Variants in MEGF9 observed in about 807,000 individuals in gnomAD.
MEGF9 encodes the protein multiple epidermal growth factor-like domains protein 9.
MEGF9 carries 6 observed loss-of-function variants against 46.8 expected under a neutral mutation model. The ratio of observed to expected loss-of-function variants is 0.13; its 90% CI spans 0.07 to 0.25. The LOEUF (loss-of-function observed/expected upper bound fraction) is 0.25, where lower values mean the gene tolerates loss of function less well. Among genes scored for constraint, MEGF9 ranks in the 10% least tolerant of loss-of-function variants. MEGF9 has a pLI of 1.00. For synonymous variants in MEGF9, 302 were observed against 330.7 expected (o/e 0.91, Z 0.94); for missense variants, 683 against 792.4 (o/e 0.86, Z 1.66).
chr9:120,700,908 C>T lies in MEGF9; in HGVS notation c.601+12850G>A, dbSNP rs1328562055. 2.6e-5 allele frequency among the ~76,000 whole-genome samples: 4 copies of T among 151,408 alleles called. No individual in the cohort carries two copies. The East Asian group carries it at 5.8e-4, about 22-fold the overall frequency. ...CCAGCCTGGACAACGTGGTGAAACCCTGTCTCTACCAAAAATAATAATAAT... is the reference window on the plus strand; with the variant it reads ...CCAGCCTGGACAACGTGGTGAAACCTTGTCTCTACCAAAAATAATAATAAT... On this transcript the variant is annotated intron_variant, in intron 1 of 5. Coordinates refer to ENST00000373930, the MANE Select transcript of MEGF9 (RefSeq NM_001080497.3).
intron 1 of MEGF9, among the ~76,000 whole-genome samples, chr9:120,684,831 T>C (rs1434475769): frequency 2.0e-5 from 3 of 151,624 alleles, no homozygotes; most frequent in Non-Finnish European, 4.4e-5. Flanking sequence ...GAGGCTTCAT[T>C]TTTTTTTCTT....
At chr9:120,672,964 G>A (rs192462146) in intron 1 of MEGF9, among the ~76,000 whole-genome samples, 18 of 152,140 alleles carry the variant, frequency 1.2e-4, no homozygotes, top group East Asian at 1.9e-4. Flanking sequence ...CAGAGGTTGC[G>A]GTGAACCGAG....
intron 3 of MEGF9, among the ~76,000 whole-genome samples, chr9:120,618,002 G>A (rs1044912496): frequency 6.6e-6 from 1 of 152,138 alleles, no homozygotes; most frequent in Admixed American, 6.5e-5. Context: ...GATGTGTTAG[G>A]TATATAATGC....
Position 120,605,949 on chromosome 9 carries a change from G to A in MEGF9, c.1358-308C>T, listed in dbSNP as rs1478158527. Among the ~76,000 whole-genome samples, 1 of 151,952 alleles carries A rather than the reference G, an allele frequency of 6.6e-6. No individual in the cohort carries two copies. Among genetic ancestry groups the A allele is most frequent in the African/African-American group, 2.4e-5 (1 of 41,338 alleles). ...AGCACTTTGGGCGGCCGAGGGTGGT[G>A]GATCACGAGGTCAGGAGTTCAAGAC... is the stretch of plus-strand genomic sequence containing the variant. On this transcript the variant is annotated intron_variant, in intron 5 of 5. Coordinates refer to ENST00000373930, the MANE Select transcript of MEGF9 (RefSeq NM_001080497.3). The surrounding 1 kb of genome is among the most constrained non-coding windows in gnomAD (Gnocchi z 4.0).
At chr9:120,656,408 G>A (rs1049700077) in intron 2 of MEGF9, among the ~76,000 whole-genome samples, 3 of 151,902 alleles carry the variant, frequency 2.0e-5, no homozygotes, top group Non-Finnish European at 4.4e-5. Flanking sequence ...TTAGCCAGGC[G>A]TGGTGGCGGG....
At chr9:120,625,833 C>CAAAAAAA (rs763605820) in intron 2 of MEGF9, among the ~76,000 whole-genome samples, 4 of 113,186 alleles carry the variant, frequency 3.5e-5, no homozygotes, top group East Asian at 2.7e-4. Context: ...CTCTGTCTCA[C>CAAAAAAA]AAAAAAAAAA....
At position 120,700,921 on chromosome 9, in the gene MEGF9, AAAT is replaced by A. The variant is rs575279734; in HGVS notation, c.601+12834_601+12836del. 4.0e-5 allele frequency among the ~76,000 whole-genome samples: 6 copies of A among 150,896 alleles called. No homozygotes were observed. The South Asian group carries it at 6.3e-4, about 16-fold the overall frequency. On this transcript the variant is annotated intron_variant, in intron 1 of 5. Coordinates refer to ENST00000373930, the MANE Select transcript of MEGF9 (RefSeq NM_001080497.3). ...CGTGGTGAAACCCTGTCTCTACCAA[AAAT>A]AATAATAATAATAATAATTAATTTA...
Position 120,714,418 on chromosome 9 carries a change from C to T in MEGF9, c.-60G>A, listed in dbSNP as rs1024767373. 1 of 1,226,408 alleles carries T rather than the reference C, an allele frequency of 8.2e-7. No individual in the cohort carries two copies. The highest frequency in any genetic ancestry group is 1.6e-5 in the African/African-American group (1 of 63,190). The allele number at this position is 1,226,408 out of a possible 1,614,324, so 76.0% of individuals were successfully genotyped here. A position where few individuals can be genotyped will look rare whatever the true frequency, so the allele number is the denominator to read the frequency against. Reference sequence around the variant, plus strand: ...CTCGTTGCAATCCGACCAAGGAAGCCTCCGCAACCGCCGCCGCCACCGCCA... The same window carrying T: ...CTCGTTGCAATCCGACCAAGGAAGCTTCCGCAACCGCCGCCGCCACCGCCA... On this transcript the variant is annotated 5_prime_UTR_variant, in exon 1 of 6. Coordinates refer to ENST00000373930, the MANE Select transcript of MEGF9 (RefSeq NM_001080497.3).
intron 2 of MEGF9, among the ~76,000 whole-genome samples, chr9:120,631,580 G>A (rs1479514946): frequency 1.3e-5 from 2 of 151,836 alleles, no homozygotes; most frequent in African/African-American, 4.8e-5. Flanking sequence ...CACCTCCCAG[G>A]TTCAAGCAAT....
At chr9:120,688,593 T>A (rs75941491) in intron 1 of MEGF9, among the ~76,000 whole-genome samples, 2,867 of 152,150 alleles carry the variant, frequency 0.019, 103 homozygotes, top group African/African-American at 0.067. Flanking sequence ...GTTACTTAAA[T>A]AGGTTAAGTA....
At chr9:120,662,597 T>C (rs979380325) in intron 1 of MEGF9, among the ~76,000 whole-genome samples, 2 of 152,238 alleles carry the variant, frequency 1.3e-5, no homozygotes, top group African/African-American at 4.8e-5. Flanking sequence ...CTTTATTTTT[T>C]CTCCTGTAAA....
At position 120,655,025 on chromosome 9, in the gene MEGF9, C is replaced by T. The variant is rs2043670158; in HGVS notation, c.803+4349G>A. On this transcript the variant is annotated intron_variant, in intron 2 of 5. Coordinates refer to ENST00000373930, the MANE Select transcript of MEGF9 (RefSeq NM_001080497.3). The stretch of plus-strand genomic sequence containing the variant: ...TCAAAAAGAGTCAAAAAGTTTAAAA[C>T]ATCAGAGATCATAATGTTAAAAAGC... 2.0e-5 allele frequency among the ~76,000 whole-genome samples: 3 copies of T among 152,150 alleles called. No homozygotes were observed. In the South Asian group the frequency reaches 6.2e-4, roughly 31 times the overall value.
At chr9:120,707,575 C>G (rs188858834) in intron 1 of MEGF9, among the ~76,000 whole-genome samples, 1 of 152,194 alleles carries the variant, frequency 6.6e-6, no homozygotes, top group African/African-American at 2.4e-5. Context: ...ACTGTGGGGT[C>G]TATATTAACT....
Position 120,604,310 on chromosome 9 carries a change from A to G in MEGF9, c.*880T>C, listed in dbSNP as rs1296032507. The G allele has an allele frequency of 6.6e-6, 1 of 152,380 alleles. No individual in the cohort carries two copies. The highest frequency in any genetic ancestry group is 6.5e-5 in the Admixed American group (1 of 15,280). 9.4% of individuals were successfully genotyped at this position (152,380 alleles called of 1,614,324 possible). On this transcript the variant is annotated 3_prime_UTR_variant, in exon 6 of 6. Coordinates refer to ENST00000373930, the MANE Select transcript of MEGF9 (RefSeq NM_001080497.3). ...CCCAGCTCTAGCAATATTGCCATCT[A>G]TTTTACAGTATTTTAAGCAATCCCC...
chr9:120,625,696 T>C (rs2043521026), intron 2 of MEGF9, among the ~76,000 whole-genome samples: 1 of 151,566 alleles, frequency 6.6e-6, no homozygotes, highest in Admixed American at 6.6e-5. Context: ...TAGCAGGGCA[T>C]GGTGGCACAC....
chr9:120,703,064 A>C (rs1464749091), intron 1 of MEGF9, among the ~76,000 whole-genome samples: 1 of 152,240 alleles, frequency 6.6e-6, no homozygotes, highest in African/African-American at 2.4e-5. Context: ...GAAAAATACA[A>C]GGGAAAATGT....
In MEGF9 at chr9:120,690,650, G is replaced by A. The variant is rs556486473; in HGVS notation, c.601+23108C>T. 9.9e-5 allele frequency among the ~76,000 whole-genome samples: 15 copies of A among 152,124 alleles called. No individual in the cohort carries two copies. In the South Asian group the frequency reaches 2.1e-3, roughly 21 times the overall value. On this transcript the variant is annotated intron_variant, in intron 1 of 5. Coordinates refer to ENST00000373930, the MANE Select transcript of MEGF9 (RefSeq NM_001080497.3). ...TCAGTGACCAAGCAACCAATATCCT[G>A]GAATTTGAAAAGAACTTTTTATAAT...
intron 3 of MEGF9, among the ~76,000 whole-genome samples, chr9:120,618,367 G>T (rs2043481451): frequency 1.3e-5 from 2 of 152,164 alleles, no homozygotes; most frequent in Non-Finnish European, 2.9e-5. Context: ...TATCATTGGG[G>T]AGTAGAGGAT....
intron 1 of MEGF9, among the ~76,000 whole-genome samples, chr9:120,695,596 C>A (rs7866651): frequency 8.6e-6 from 1 of 116,908 alleles, no homozygotes; most frequent in African/African-American, 3.6e-5. Flanking sequence ...AGTGTGAGAC[C>A]CCATCTCAAA....
Sources: allele counts gnomAD v4.1 joint callset (sites outside exome capture counted in the v4.1 genomes callset), GRCh38; gene constraint gnomAD v4.1.1; non-coding constraint Gnocchi (gnomAD v3.1); transcripts MANE v1.5; gene names NCBI Gene and HGNC (gene_info 2026-07-23, HGNC 2026-07-21).